Variants in CENPK observed in about 807,000 individuals in gnomAD.
The protein encoded by CENPK is SoxLZ/Sox6-binding protein Solt.
A neutral mutation model predicts 40.9 loss-of-function variants in CENPK; 46 were observed. That is an observed-to-expected ratio of 1.13 (90% CI 0.89 to 1.44). The LOEUF (loss-of-function observed/expected upper bound fraction) is 1.44. Among genes scored for constraint, CENPK ranks in the 40% most tolerant of loss-of-function variants. The pLI is 0.00. For missense variants in CENPK, 288 were observed against 303.5 expected (o/e 0.95, Z 0.38); for synonymous variants, 107 against 104.4 (o/e 1.02, Z -0.15).
Position 65,542,384 on chromosome 5 carries a change from A to G in CENPK, c.288+418T>C, listed in dbSNP as rs138361248. Reference sequence around the variant, plus strand: ...CCAGGTGTGGTGGCTTACGCCTGTAATCCCAGCACTTTGGGAGACTGAGGC... The same window carrying G: ...CCAGGTGTGGTGGCTTACGCCTGTAGTCCCAGCACTTTGGGAGACTGAGGC... On this transcript the variant is annotated intron_variant, in intron 6 of 10. Transcript: ENST00000396679. Among the ~76,000 whole-genome samples the G allele has an allele frequency of 6.9e-3, 1,053 of 152,338 alleles. 9 individuals carry two copies. Among genetic ancestry groups the G allele is most frequent in the Middle Eastern group, 0.02 (6 of 294 alleles).
intron 5 of CENPK, 132 bp downstream of exon 5, chr5:65,551,432 G>T: frequency 1.8e-6 from 1 of 543,420 alleles, no homozygotes; most frequent in Non-Finnish European, 3.3e-6. Context: ...AAAAAAAGTG[G>T]CTTCTCGGTA....
chr5:65,498,453 T>C, the CENPK span, among the ~76,000 whole-genome samples: 1 of 151,994 alleles, frequency 6.6e-6, no homozygotes, highest in Non-Finnish European at 1.5e-5. Context: ...CTCTTTACCT[T>C]TCCCCAGTTA....
chr5:65,538,915 T>C (rs1215146817), intron 6 of CENPK, among the ~76,000 whole-genome samples: 1 of 152,188 alleles, frequency 6.6e-6, no homozygotes, highest in Non-Finnish European at 1.5e-5. Context: ...AGCTCCACAC[T>C]TGAACTCTGA....
intron 2 of CENPK, among the ~76,000 whole-genome samples, chr5:65,558,281 G>C (rs749538691): frequency 2.0e-5 from 3 of 151,946 alleles, no homozygotes; most frequent in Non-Finnish European, 4.4e-5. Context: ...ATCTTTATAC[G>C]GTACAGTAAA....
At chr5:65,501,131 T>C in the CENPK span, among the ~76,000 whole-genome samples, 35 of 151,996 alleles carry the variant, frequency 2.3e-4, no homozygotes, top group Non-Finnish European at 4.6e-4. Context: ...GCTGAGACTT[T>C]CTATTTTCAT....
At chr5:65,525,938 C>T (rs1033608991) in intron 9 of CENPK, among the ~76,000 whole-genome samples, 3 of 152,054 alleles carry the variant, frequency 2.0e-5, no homozygotes, top group African/African-American at 4.8e-5. Context: ...GTTTAAACCA[C>T]CCAGTCTGTG....
chr5:65,521,079 C>T (rs113687203), intron 10 of CENPK, among the ~76,000 whole-genome samples: 1,724 of 151,962 alleles, frequency 0.011, 22 homozygotes, highest in South Asian at 0.035. Flanking sequence ...AAGTTCATTA[C>T]GTATTTTATA....
At chr5:65,518,720 C>T (rs1238128698) in intron 10 of CENPK, 87 bp from the exon 11 acceptor site, 2 of 784,296 alleles carry the variant, frequency 2.6e-6, no homozygotes, top group Non-Finnish European at 4.0e-6. Context: ...GAATATTGAC[C>T]TCTTTTCTTT....
intron 9 of CENPK, among the ~76,000 whole-genome samples, chr5:65,526,260 G>T (rs1041886094): frequency 2.0e-4 from 30 of 152,052 alleles, no homozygotes; most frequent in African/African-American, 5.8e-4. Context: ...ATAAATCAGT[G>T]AGTTGTTGCA....
intron 6 of CENPK, chr5:65,541,267 A>T: frequency 2.4e-6 from 1 of 415,376 alleles, no homozygotes; most frequent in East Asian, 7.3e-5. Context: ...GTCAGAATAC[A>T]GGCGACAATC....
Position 65,552,513 on chromosome 5 carries a change from G to C in CENPK, c.148C>G (p.Leu50Val), listed in dbSNP as rs138527872. ...NKLSLIGTET[L>V]TDSNAQLSLL... ...CATACCTGAGCATTTGAATCGGTGAGTGTTTCAGTTCCAATAAGTGATAAT... is the reference window on the plus strand; with the variant it reads ...CATACCTGAGCATTTGAATCGGTGACTGTTTCAGTTCCAATAAGTGATAAT... Residue 50 changes from leucine (L) to valine (V), a missense_variant, in exon 4 of 11, where the codon CTC (leucine) becomes GTC (valine). Leu to Val is a conservative substitution (Grantham distance 32). Coordinates refer to ENST00000396679, the MANE Select transcript of CENPK (RefSeq NM_022145.5). 11 of 1,562,814 alleles carry C rather than the reference G, an allele frequency of 7.0e-6. No homozygotes were observed. The highest frequency in any genetic ancestry group is 1.4e-5 in the African/African-American group (1 of 72,102).
chr5:65,532,488 A>C (rs1259822203), intron 6 of CENPK, among the ~76,000 whole-genome samples: 3 of 152,224 alleles, frequency 2.0e-5, no homozygotes, highest in Admixed American at 6.5e-5. Flanking sequence ...TGAACACAGA[A>C]GCAAAAATCT....
chr5:65,507,319 T>G, the CENPK span, among the ~76,000 whole-genome samples: 1 of 152,180 alleles, frequency 6.6e-6, no homozygotes, highest in South Asian at 2.1e-4. Flanking sequence ...AAATATATTC[T>G]TTAATAAATC....
chr5:65,551,541 C>A (rs766268563), intron 5 of CENPK, 23 bp downstream of exon 5: 2 of 1,368,036 alleles, frequency 1.5e-6, no homozygotes, highest in South Asian at 1.3e-5. Flanking sequence ...ACAAAAAATT[C>A]AAATTTAAAA....
downstream of CENPK, among the ~76,000 whole-genome samples, chr5:65,515,665 G>A (rs1380288296): frequency 6.6e-6 from 1 of 151,978 alleles, no homozygotes; most frequent in Non-Finnish European, 1.5e-5. Flanking sequence ...TAATTCCTTT[G>A]TAGTCAAAGA....
At chr5:65,534,640 T>C (rs918748031) in intron 6 of CENPK, among the ~76,000 whole-genome samples, 5 of 152,100 alleles carry the variant, frequency 3.3e-5, no homozygotes, top group Admixed American at 3.3e-4. Flanking sequence ...GAAAAGATAG[T>C]TTCTTCAACA....
chr5:65,545,111 C>T (rs1028157653), intron 5 of CENPK, among the ~76,000 whole-genome samples: 2 of 151,846 alleles, frequency 1.3e-5, no homozygotes, highest in Admixed American at 6.6e-5. Context: ...TTCATGTTAT[C>T]GGAATTCCAG....
the CENPK span, among the ~76,000 whole-genome samples, chr5:65,505,445 C>A: frequency 6.6e-6 from 1 of 152,140 alleles, no homozygotes; most frequent in Non-Finnish European, 1.5e-5. Flanking sequence ...GCAGCCTGGA[C>A]AACATGGTAA....
chr5:65,540,680 G>C (rs1013164391), intron 6 of CENPK, among the ~76,000 whole-genome samples: 7 of 152,158 alleles, frequency 4.6e-5, no homozygotes, highest in African/African-American at 1.7e-4. Flanking sequence ...GGTTTGGGGA[G>C]CTTCTAGATA....
Sources: gnomAD v4.1 joint callset for allele counts (sites outside exome capture counted in the v4.1 genomes callset) on GRCh38, gnomAD v4.1.1 for gene constraint, MANE v1.5 for transcripts, NCBI Gene and HGNC (gene_info 2026-07-23, HGNC 2026-07-21) for gene names.